The following EPHA5 variants were observed in gnomAD, a reference collection of about 807,000 sequenced individuals.
EPHA5 encodes EPH receptor A5.
In EPHA5, 60 loss-of-function variants were observed where a neutral mutation model predicts 105.0. The ratio of observed to expected loss-of-function variants is 0.57; its 90% CI spans 0.46 to 0.71. The LOEUF (loss-of-function observed/expected upper bound fraction) is 0.71, where lower values mean the gene tolerates loss of function less well. EPHA5 is among the 30% of genes least tolerant of loss of function. The probability of loss-of-function intolerance (pLI) is 0.00; values close to 1 mark genes in which losing one functional copy is unlikely to be tolerated. For synonymous variants in EPHA5, 513 were observed against 449.1 expected (o/e 1.14, Z -1.80); for missense variants, 1,218 against 1,274.7 (o/e 0.96, Z 0.68).
At chr4:65,471,828 G>T (rs183535456) in intron 5 of EPHA5, among the ~76,000 whole-genome samples, 64 of 152,206 alleles carry the variant, frequency 4.2e-4, no homozygotes, top group Non-Finnish European at 6.8e-4. Context: ...GATTATAATT[G>T]AAGATGAGAT....
intron 5 of EPHA5, 49 bp downstream of exon 5, chr4:65,490,328 T>C: frequency 6.5e-7 from 1 of 1,536,670 alleles, no homozygotes; most frequent in Non-Finnish European, 8.9e-7. Flanking sequence ...TGGAAATAAT[T>C]GACAGAACTA....
chr4:65,526,787 A>C (rs1351784014), intron 3 of EPHA5, among the ~76,000 whole-genome samples: 1 of 152,172 alleles, frequency 6.6e-6, no homozygotes, highest in East Asian at 1.9e-4. Context: ...AGGTTTCTAC[A>C]GTCTCACGTC....
At chr4:65,554,411 T>C (rs1738208866) in intron 3 of EPHA5, among the ~76,000 whole-genome samples, 1 of 151,296 alleles carries the variant, frequency 6.6e-6, no homozygotes, top group East Asian at 1.9e-4. Context: ...CAAATAATGA[T>C]TATTTATCAA....
At chr4:65,472,257 G>A (rs370182573) in intron 5 of EPHA5, among the ~76,000 whole-genome samples, 6 of 152,244 alleles carry the variant, frequency 3.9e-5, no homozygotes, top group African/African-American at 1.4e-4. Context: ...TGATGCCAAA[G>A]GTGGGCTCTT....
At chr4:65,556,477 A>C (rs1560692371) in intron 3 of EPHA5, among the ~76,000 whole-genome samples, 1 of 152,192 alleles carries the variant, frequency 6.6e-6, no homozygotes, top group South Asian at 2.1e-4. Context: ...ATATGGAATT[A>C]AAAGCATTGA....
At chr4:65,494,667 A>C (rs62299206) in intron 4 of EPHA5, among the ~76,000 whole-genome samples, 21,226 of 152,198 alleles carry the variant, frequency 0.14, 2,055 homozygotes, top group East Asian at 0.36. Context: ...AATGTTTACT[A>C]TTCATCTACT....
At chr4:65,617,685 T>C (rs978600745) in intron 2 of EPHA5, among the ~76,000 whole-genome samples, 1 of 152,062 alleles carries the variant, frequency 6.6e-6, no homozygotes, top group Non-Finnish European at 1.5e-5. Context: ...AGAAGAATAG[T>C]AAAGAAAGAA....
At chr4:65,430,439 G>A (rs1724862903) in intron 5 of EPHA5, among the ~76,000 whole-genome samples, 1 of 152,002 alleles carries the variant, frequency 6.6e-6, no homozygotes, top group Admixed American at 6.6e-5. Flanking sequence ...TATTGGCTAA[G>A]TGAATGAACA....
chr4:65,360,575 T>G (rs2148877589), intron 11 of EPHA5, among the ~76,000 whole-genome samples: 1 of 151,782 alleles, frequency 6.6e-6, no homozygotes, highest in East Asian at 1.9e-4. Flanking sequence ...TAGCATAGCT[T>G]ATTGTGCAGA....
At chr4:65,509,623 GTTATT>G (rs1316067627) in intron 3 of EPHA5, among the ~76,000 whole-genome samples, 3 of 152,052 alleles carry the variant, frequency 2.0e-5, no homozygotes, top group Non-Finnish European at 2.9e-5. Context: ...CTTTTCCATT[GTTATT>G]TTATGATTAC....
intron 11 of EPHA5, among the ~76,000 whole-genome samples, chr4:65,361,533 G>A (rs990821011): frequency 1.3e-5 from 2 of 151,530 alleles, no homozygotes; most frequent in African/African-American, 4.8e-5. Flanking sequence ...AAAATGGGAA[G>A]AGTAGTGGAA....
rs539358713 is a variant in EPHA5, at chr4:65,420,292, C to T, written c.1527+149G>A. ...ACATGAATAGAGAGCTCCCTGTACA[C>T]TTCTAGCCTCCATAATTATGACTGC... On this transcript the variant is annotated intron_variant, in intron 6 of 16. Transcript: ENST00000613740. 4.2e-4 allele frequency: 326 copies of T among 768,298 alleles called. 1 individual carries two copies. In the Middle Eastern group the frequency reaches 5.2e-3, roughly 12 times the overall value. 47.6% of individuals were successfully genotyped at this position (768,298 alleles called of 1,614,324 possible).
At chr4:65,412,677 T>A (rs1275836203) in intron 7 of EPHA5, among the ~76,000 whole-genome samples, 1 of 152,130 alleles carries the variant, frequency 6.6e-6, no homozygotes, top group Admixed American at 6.6e-5. Context: ...AGAAATTATA[T>A]AGGAAAAGTT....
At chr4:65,630,451 C>G (rs907258964) in intron 2 of EPHA5, among the ~76,000 whole-genome samples, 1 of 152,054 alleles carries the variant, frequency 6.6e-6, no homozygotes, top group African/African-American at 2.4e-5. Flanking sequence ...TGTGGACAGC[C>G]AACTTCAAGG....
chr4:65,487,319 A>G (rs2149204545), intron 5 of EPHA5, among the ~76,000 whole-genome samples: 1 of 152,070 alleles, frequency 6.6e-6, no homozygotes, highest in Admixed American at 6.5e-5. Context: ...CTTTGGGGGG[A>G]ATTTAGTTTA....
chr4:65,637,507 T>C (rs923402124), intron 2 of EPHA5, among the ~76,000 whole-genome samples: 1 of 149,038 alleles, frequency 6.7e-6, no homozygotes, highest in Non-Finnish European at 1.5e-5. Context: ...AGATTTTATA[T>C]GAAATCTTCA....
intron 3 of EPHA5, among the ~76,000 whole-genome samples, chr4:65,529,520 CA>C (rs527908211): frequency 5.9e-5 from 9 of 151,570 alleles, no homozygotes; most frequent in Non-Finnish European, 1.3e-4. Context: ...AAAAAAACAA[CA>C]AAAAAAGAAA....
intron 8 of EPHA5, among the ~76,000 whole-genome samples, chr4:65,383,150 A>C (rs990625050): frequency 1.3e-5 from 2 of 150,340 alleles, no homozygotes; most frequent in Non-Finnish European, 3.0e-5. Flanking sequence ...AGAAGACTTC[A>C]ATAATGATGT....
At chr4:65,659,306 T>C (rs11131612) in intron 1 of EPHA5, among the ~76,000 whole-genome samples, 69,688 of 117,280 alleles carry the variant, frequency 0.59, 20,553 homozygotes, top group Middle Eastern at 0.71. Flanking sequence ...ATTGTTTATA[T>C]ACTAGAGTAA....
Sources: gnomAD v4.1 joint callset for allele counts (sites outside exome capture counted in the v4.1 genomes callset) on GRCh38, gnomAD v4.1.1 for gene constraint, MANE v1.5 for transcripts, NCBI Gene and HGNC (gene_info 2026-07-23, HGNC 2026-07-21) for gene names.